MITF: variants seen among roughly 807,000 people sequenced by gnomAD.
The protein encoded by MITF is melanocyte inducing transcription factor, also known as microphthalmia-associated transcription factor.
A neutral mutation model predicts 60.5 loss-of-function variants in MITF; 17 were observed. That is an observed-to-expected ratio of 0.28 (90% confidence interval 0.19 to 0.42). The LOEUF (loss-of-function observed/expected upper bound fraction) is 0.42. MITF is among the 10% of genes least tolerant of loss of function. The pLI, the probability that MITF is intolerant of heterozygous loss-of-function variation, is 1.00. For synonymous variants in MITF, 260 were observed against 248.5 expected, an observed-to-expected ratio of 1.05 and a Z score of -0.43; for missense variants, 622 against 683.5, an observed-to-expected ratio of 0.91 and a Z score of 1.00.
intron 5 of MITF, among the ~76,000 whole-genome samples, chr3:69,942,353 A>C (rs1163417750): frequency 1.3e-5 from 2 of 152,178 alleles, no homozygotes; most frequent in Non-Finnish European, 2.9e-5. Context: ...GAAATTTTTT[A>C]AAGGTATGAC....
intron 1 of MITF, among the ~76,000 whole-genome samples, chr3:69,826,748 C>T (rs2063361303): frequency 6.6e-6 from 1 of 152,152 alleles, no homozygotes; most frequent in African/African-American, 2.4e-5. Context: ...GTGCTTGACA[C>T]ATAAGTACTC....
At chr3:69,753,308 A>G (rs575246340) in intron 1 of MITF, among the ~76,000 whole-genome samples, 21 of 152,342 alleles carry the variant, frequency 1.4e-4, no homozygotes, top group South Asian at 6.2e-4. Context: ...GGAGCCTCCA[A>G]CTAGATTTCA....
At chr3:69,886,459 C>T (rs1405927242) in intron 2 of MITF, among the ~76,000 whole-genome samples, 1 of 152,010 alleles carries the variant, frequency 6.6e-6, no homozygotes, top group Non-Finnish European at 1.5e-5. Flanking sequence ...TATCACTGAT[C>T]CCTGGTTACA....
Position 69,800,532 on chromosome 3 carries a change from A to C in MITF, c.104+60831A>C, listed in dbSNP as rs562747338. ...ATGTTTAATCTTTTAAGGAGCTGCC[A>C]TGCTGTTCTTACAGCAGGCAAACCA... On this transcript the variant is annotated intron_variant, in intron 1 of 9. Coordinates refer to ENST00000352241, the MANE Select transcript of MITF (RefSeq NM_001354604.2). 3.3e-5 allele frequency among the ~76,000 whole-genome samples: 5 copies of C among 152,310 alleles called. No individual in the cohort carries two copies. In the South Asian group the frequency reaches 1.0e-3, roughly 32 times the overall value.
chr3:69,873,742 A>G (rs1198411818), intron 1 of MITF, among the ~76,000 whole-genome samples: 2 of 152,216 alleles, frequency 1.3e-5, no homozygotes. Flanking sequence ...TCTAAGAATT[A>G]GAGGTATGGG....
chr3:69,786,334 T>C (rs140705181), intron 1 of MITF, among the ~76,000 whole-genome samples: 4 of 152,336 alleles, frequency 2.6e-5, no homozygotes, highest in African/African-American at 9.6e-5. Context: ...CATGAATCCC[T>C]GCTTCTGTCT....
chr3:69,791,801 G>A (rs1256151452), intron 1 of MITF, among the ~76,000 whole-genome samples: 3 of 152,296 alleles, frequency 2.0e-5, no homozygotes, highest in Admixed American at 1.3e-4. Context: ...AAGTGTGTAT[G>A]CAAGAGGCAT....
intron 1 of MITF, chr3:69,866,076 G>A: frequency 1.2e-6 from 1 of 823,958 alleles, no homozygotes; most frequent in African/African-American, 1.8e-5. Context: ...TGTGGTGTGA[G>A]GCAGCGTTTT....
intron 2 of MITF, among the ~76,000 whole-genome samples, chr3:69,924,326 C>T (rs1170330395): frequency 6.6e-6 from 1 of 152,136 alleles, no homozygotes; most frequent in African/African-American, 2.4e-5. Context: ...AAGAAAATTG[C>T]TGGTGAAGGT....
intron 1 of MITF, among the ~76,000 whole-genome samples, chr3:69,792,223 G>A (rs1456875988): frequency 6.6e-6 from 1 of 152,134 alleles, no homozygotes; most frequent in African/African-American, 2.4e-5. Flanking sequence ...TAGCTGAAAG[G>A]GTCTGATAGT....
chr3:69,877,985 T>G lies in MITF; in HGVS notation c.105-1149T>G, dbSNP rs76173251. 4.4e-3 allele frequency among the ~76,000 whole-genome samples: 672 copies of G among 152,218 alleles called. 6 individuals carry two copies. The highest frequency in any genetic ancestry group is 5.6e-3 in the Admixed American group (86 of 15,292). ...AAACACAGACGTTAAAAAATATATA[T>G]AGAGAGAGAAATAAACAATGAAACA... On this transcript the variant is annotated intron_variant, in intron 1 of 9. Coordinates refer to ENST00000352241, the MANE Select transcript of MITF (RefSeq NM_001354604.2).
At chr3:69,884,296 A>G (rs144708253) in intron 2 of MITF, among the ~76,000 whole-genome samples, 2 of 152,244 alleles carry the variant, frequency 1.3e-5, no homozygotes, top group East Asian at 1.9e-4. Flanking sequence ...TAACCCTACC[A>G]TCAGTTGCCT....
intron 1 of MITF, among the ~76,000 whole-genome samples, chr3:69,838,214 G>A (rs968132164): frequency 9.9e-5 from 15 of 152,188 alleles, no homozygotes; most frequent in African/African-American, 1.4e-4. Flanking sequence ...TAGGCTATGC[G>A]TTTCACATTA....
chr3:69,771,279 C>A (rs575311746), intron 1 of MITF, among the ~76,000 whole-genome samples: 95 of 150,502 alleles, frequency 6.3e-4, no homozygotes, highest in African/African-American at 2.2e-3. Flanking sequence ...ATGAACACTT[C>A]CAGTGAGCTC....
intron 1 of MITF, among the ~76,000 whole-genome samples, chr3:69,787,229 C>T (rs894480325): frequency 6.6e-6 from 1 of 152,134 alleles, no homozygotes; most frequent in Admixed American, 6.5e-5. Context: ...GACACCAGAA[C>T]CATGTTCCAC....
intron 1 of MITF, among the ~76,000 whole-genome samples, chr3:69,743,024 T>C (rs1703588996): frequency 6.6e-6 from 1 of 152,230 alleles, no homozygotes; most frequent in South Asian, 2.1e-4. Context: ...TTCTGTTTGT[T>C]CCTTGCTCAC....
intron 1 of MITF, among the ~76,000 whole-genome samples, chr3:69,789,445 C>G (rs893850414): frequency 1.3e-5 from 2 of 152,102 alleles, no homozygotes; most frequent in Non-Finnish European, 2.9e-5. Flanking sequence ...GAAGTATCAC[C>G]TCATACTCAT....
At chr3:69,776,719 T>A (rs1247456591) in intron 1 of MITF, among the ~76,000 whole-genome samples, 1 of 152,182 alleles carries the variant, frequency 6.6e-6, no homozygotes, top group East Asian at 1.9e-4. Context: ...ATTCTAGTTA[T>A]AATGTCAATT....
chr3:69,844,984 C>A (rs2063705346), intron 1 of MITF, among the ~76,000 whole-genome samples: 1 of 152,096 alleles, frequency 6.6e-6, no homozygotes, highest in South Asian at 2.1e-4. Flanking sequence ...TTTAATTTTA[C>A]CTGCCTGGGC....
Sources: allele counts gnomAD v4.1 joint callset (sites outside exome capture counted in the v4.1 genomes callset), GRCh38; gene constraint gnomAD v4.1.1; transcripts MANE v1.5; gene names NCBI Gene and HGNC (gene_info 2026-07-23, HGNC 2026-07-21).